GSG1L2: variants seen among roughly 807,000 people sequenced by gnomAD.
The protein encoded by GSG1L2 is GSG1 like 2.
Under a neutral mutation model 9.0 loss-of-function variants are expected in GSG1L2, and 15 were observed. That is an observed-to-expected ratio of 1.67 (90% CI 1.12 to 2.57). The LOEUF (loss-of-function observed/expected upper bound fraction) is 2.57, where lower values mean the gene tolerates loss of function less well. Ranked by LOEUF, GSG1L2 falls within the 30% of genes most tolerant of loss-of-function variation. GSG1L2 has a pLI of 0.00. For missense variants in GSG1L2, 286 were observed against 150.3 expected (o/e 1.90, Z -4.72); for synonymous variants, 127 against 57.9 (o/e 2.19, Z -5.41).
intron 1 of GSG1L2, among the ~76,000 whole-genome samples, chr17:9,817,614 G>C (rs1456635451): frequency 6.6e-6 from 1 of 151,944 alleles, no homozygotes; most frequent in East Asian, 1.9e-4. Context: ...TAGTAGACAT[G>C]GGGTTTCACC....
intron 1 of GSG1L2, among the ~76,000 whole-genome samples, chr17:9,817,388 A>G (rs989271196): frequency 6.7e-6 from 1 of 149,938 alleles, no homozygotes; most frequent in South Asian, 2.1e-4. Context: ...GCTCCTCCTG[A>G]CATCATGACT....
intron 1 of GSG1L2, among the ~76,000 whole-genome samples, chr17:9,818,025 T>C (rs541969965): frequency 6.6e-6 from 1 of 152,300 alleles, no homozygotes; most frequent in East Asian, 1.9e-4. Context: ...GGCCACCTCC[T>C]TTATGAGGTC....
intron 1 of GSG1L2, chr17:9,811,073 A>G (rs1014631990): frequency 6.0e-6 from 1 of 166,880 alleles, no homozygotes; most frequent in Non-Finnish European, 1.3e-5. Context: ...TTGTTATTGC[A>G]GCCTAACCTA....
rs1405606214 is a variant in GSG1L2 at position 9,802,209 on chromosome 17, C to G, written c.*177G>C. On this transcript the variant is annotated 3_prime_UTR_variant, in exon 5 of 5. Coordinates refer to ENST00000399363, the MANE Select transcript of GSG1L2 (RefSeq NM_001310219.2). ...TCACTTCAAGGTACTGGCATTTTAA[C>G]AGGAATCAAAGGCTAAAGCCAAAGG... Among the ~76,000 whole-genome samples, 1 of 152,108 alleles carries G rather than the reference C, an allele frequency of 6.6e-6. No individual in the cohort carries two copies. The highest frequency in any genetic ancestry group is 1.5e-5 in the Non-Finnish European group (1 of 68,030).
chr17:9,817,312 G>A (rs1291033357), intron 1 of GSG1L2, among the ~76,000 whole-genome samples: 1 of 152,088 alleles, frequency 6.6e-6, no homozygotes, highest in Non-Finnish European at 1.5e-5. Flanking sequence ...TACTGATGAA[G>A]CAGCTCCCTC....
At chr17:9,807,961 G>T in intron 3 of GSG1L2, 1 of 199,892 alleles carries the variant, frequency 5.0e-6, no homozygotes, top group East Asian at 1.1e-4. Flanking sequence ...GGAGGCTGAG[G>T]AGGGAGGATT....
In GSG1L2 at chr17:9,821,925, C is replaced by T. The variant is rs1285042456; in HGVS notation, c.147G>A (p.Gly49=). The part of the protein sequence containing the change: ...VKPLCQDQPG[G]QHCIHFKRDN... ...CCCGTTTGAAGTGAATGCAGTGCTG[C>T]CCTCCCGGCTGGTCCTGGCACAGTG... Residue 49 remains glycine, a synonymous_variant, in exon 1 of 5, where the codon GGG becomes GGA. Coordinates refer to ENST00000399363, the MANE Select transcript of GSG1L2 (RefSeq NM_001310219.2). 1.4e-6 allele frequency: 1 copy of T among 703,162 alleles called. No individual in the cohort carries two copies. The highest frequency in any genetic ancestry group is 2.6e-6 in the Non-Finnish European group (1 of 385,054). 43.6% of individuals were successfully genotyped at this position (703,162 alleles called of 1,614,324 possible).
intron 1 of GSG1L2, among the ~76,000 whole-genome samples, chr17:9,817,427 CTTT>C (rs11334803): frequency 6.5e-5 from 9 of 137,774 alleles, no homozygotes; most frequent in East Asian, 2.2e-4. Flanking sequence ...TCCAACGAGG[CTTT>C]TTTTTTTTTT....
intron 1 of GSG1L2, among the ~76,000 whole-genome samples, chr17:9,813,148 C>T (rs1212807574): frequency 3.3e-5 from 5 of 152,224 alleles, no homozygotes; most frequent in Admixed American, 2.6e-4. Flanking sequence ...CAAGCATACG[C>T]TTCTGGCAGT....
chr17:9,809,806 T>C (rs1225310862), intron 2 of GSG1L2: 1 of 152,296 alleles, frequency 6.6e-6, no homozygotes, highest in Non-Finnish European at 1.5e-5. Context: ...TAGCCTCACC[T>C]CTCACCATGA....
chr17:9,812,570 T>A (rs933717253), intron 1 of GSG1L2, among the ~76,000 whole-genome samples: 1 of 151,092 alleles, frequency 6.6e-6, no homozygotes, highest in African/African-American at 2.4e-5. Context: ...AAGTCTGAGA[T>A]GCCTGCATGG....
At chr17:9,816,368 G>GTC (rs1555566292) in intron 1 of GSG1L2, among the ~76,000 whole-genome samples, 4 of 150,946 alleles carry the variant, frequency 2.6e-5, no homozygotes, top group East Asian at 2.0e-4. Context: ...GTATGCGTGT[G>GTC]TCTGTGTGTG....
intron 4 of GSG1L2, 65 bp downstream of exon 4, chr17:9,807,425 T>C (rs2152022494): frequency 8.6e-6 from 6 of 698,692 alleles, no homozygotes; most frequent in South Asian, 3.0e-5. Context: ...CTACAAAACA[T>C]GTGTATGTTT....
chr17:9,814,867 G>A (rs1015463755), intron 1 of GSG1L2, among the ~76,000 whole-genome samples: 3 of 152,116 alleles, frequency 2.0e-5, no homozygotes, highest in African/African-American at 2.4e-5. Context: ...CCTCTGTCCT[G>A]AACTTTTTGA....
intron 3 of GSG1L2, among the ~76,000 whole-genome samples, chr17:9,808,202 A>C (rs2066523451): frequency 6.6e-6 from 1 of 152,106 alleles, no homozygotes; most frequent in Non-Finnish European, 1.5e-5. Context: ...GGACTAAAGG[A>C]AGTCATTTGT....
chr17:9,814,795 T>C (rs1170954124), intron 1 of GSG1L2, among the ~76,000 whole-genome samples: 1 of 152,134 alleles, frequency 6.6e-6, no homozygotes, highest in African/African-American at 2.4e-5. Context: ...TCTGACATCC[T>C]CTGTCATTTT....
chr17:9,815,293 G>A (rs2066555215), intron 1 of GSG1L2, among the ~76,000 whole-genome samples: 1 of 152,224 alleles, frequency 6.6e-6, no homozygotes, highest in African/African-American at 2.4e-5. Context: ...AGGAGGCTGA[G>A]GCAGGAGAAT....
At chr17:9,812,085 G>T (rs1182581053) in intron 1 of GSG1L2, among the ~76,000 whole-genome samples, 9 of 152,086 alleles carry the variant, frequency 5.9e-5, no homozygotes, top group Admixed American at 5.2e-4. Flanking sequence ...CAGTTCATAC[G>T]CATTTAAATC....
At chr17:9,806,872 AAC>A (rs1358522326) in intron 4 of GSG1L2, among the ~76,000 whole-genome samples, 2 of 152,266 alleles carry the variant, frequency 1.3e-5, no homozygotes, top group African/African-American at 4.8e-5. Flanking sequence ...GGCTCACAGT[AAC>A]ACACATGCGT....
Sources: allele counts gnomAD v4.1 joint callset (sites outside exome capture counted in the v4.1 genomes callset), GRCh38; gene constraint gnomAD v4.1.1; transcripts MANE v1.5; gene names NCBI Gene and HGNC (gene_info 2026-07-23, HGNC 2026-07-21).